NECTIN3: variants seen among roughly 807,000 people sequenced by gnomAD.
NECTIN3 encodes the protein nectin-3.
NECTIN3 carries 8 observed loss-of-function variants against 49.4 expected under a neutral mutation model. That is an observed-to-expected ratio of 0.16 (90% CI 0.10 to 0.29). The LOEUF (loss-of-function observed/expected upper bound fraction) is 0.29. Ranked by LOEUF, NECTIN3 falls within the 10% of genes least tolerant of loss-of-function variation. NECTIN3 has a pLI of 1.00. For missense variants in NECTIN3, 581 were observed against 654.6 expected, an observed-to-expected ratio of 0.89 and a Z score of 1.23; for synonymous variants, 277 against 241.1, an observed-to-expected ratio of 1.15 and a Z score of -1.38.
chr3:111,095,039 A>G (rs755905329), intron 1 of NECTIN3, among the ~76,000 whole-genome samples: 1 of 152,188 alleles, frequency 6.6e-6, no homozygotes, highest in African/African-American at 2.4e-5. Context: ...TTTTCTTACA[A>G]GGCTCTAAGA....
intron 7 of NECTIN3, among the ~76,000 whole-genome samples, chr3:111,186,834 C>T (rs1436308729): frequency 2.0e-5 from 3 of 151,990 alleles, no homozygotes; most frequent in Non-Finnish European, 4.4e-5. Flanking sequence ...AGTTGAAATA[C>T]GTATTACAGA....
chr3:111,179,738 C>CA (rs1488793467), intron 7 of NECTIN3, among the ~76,000 whole-genome samples: 1 of 151,898 alleles, frequency 6.6e-6, no homozygotes, highest in Non-Finnish European at 1.5e-5. Context: ...ACTAAAAATA[C>CA]AAAAAATTAG....
At chr3:111,165,756 G>A (rs763345562) in intron 7 of NECTIN3, among the ~76,000 whole-genome samples, 8 of 152,080 alleles carry the variant, frequency 5.3e-5, no homozygotes, top group Non-Finnish European at 7.3e-5. Context: ...TTGCACAATG[G>A]GAGGCTATAG....
upstream of NECTIN3, among the ~76,000 whole-genome samples, chr3:111,187,931 A>C (rs141620559): frequency 3.9e-5 from 6 of 152,202 alleles, no homozygotes; most frequent in Admixed American, 1.3e-4. Context: ...AATGTAAACT[A>C]TAAACTTTAG....
At chr3:111,124,776 A>G (rs1169695563) in intron 4 of NECTIN3, among the ~76,000 whole-genome samples, 1 of 152,036 alleles carries the variant, frequency 6.6e-6, no homozygotes, top group Non-Finnish European at 1.5e-5. Context: ...CCTTTTTATT[A>G]TTGTTTGTTC....
At chr3:111,110,196 T>C (rs144824811) in intron 1 of NECTIN3, among the ~76,000 whole-genome samples, 45 of 152,108 alleles carry the variant, frequency 3.0e-4, no homozygotes, top group African/African-American at 1.0e-3. Context: ...TTTTTCATAT[T>C]ACACTGGATT....
chr3:111,079,800 A>G (rs1191401125), intron 1 of NECTIN3, among the ~76,000 whole-genome samples: 2 of 152,012 alleles, frequency 1.3e-5, no homozygotes, highest in Admixed American at 1.3e-4. Flanking sequence ...GAAACATGCA[A>G]ATAATACAGT....
At chr3:111,145,035 A>C (rs887429447) in exon 6 of NECTIN3, 1 of 1,536,070 alleles carries the variant, frequency 6.5e-7, no homozygotes, top group Admixed American at 2.0e-5. Context: ...ATCTTGACAA[A>C]GTGTAGGTAA....
At chr3:111,185,885 G>A (rs2107535368) in intron 7 of NECTIN3, among the ~76,000 whole-genome samples, 1 of 152,178 alleles carries the variant, frequency 6.6e-6, no homozygotes, top group Non-Finnish European at 1.5e-5. Context: ...AAATAGAAGT[G>A]AACTAAAAAG....
chr3:111,110,051 A>G (rs2033387772), intron 1 of NECTIN3, among the ~76,000 whole-genome samples: 1 of 152,096 alleles, frequency 6.6e-6, no homozygotes, highest in African/African-American at 2.4e-5. Flanking sequence ...TATAGTTCAT[A>G]TACATTTTGC....
At chr3:111,173,818 C>T (rs1446333115) in intron 7 of NECTIN3, among the ~76,000 whole-genome samples, 1 of 151,490 alleles carries the variant, frequency 6.6e-6, no homozygotes, top group Non-Finnish European at 1.5e-5. Flanking sequence ...TTTTTTTGTA[C>T]ACCTGCAGCT....
chr3:111,115,317 T>C (rs2107456365), intron 2 of NECTIN3, among the ~76,000 whole-genome samples: 1 of 152,242 alleles, frequency 6.6e-6, no homozygotes, highest in Non-Finnish European at 1.5e-5. Flanking sequence ...AATTATAGAG[T>C]AGGACCACGT....
chr3:111,171,155 T>C (rs1039355399), intron 7 of NECTIN3, among the ~76,000 whole-genome samples: 4 of 152,212 alleles, frequency 2.6e-5, no homozygotes, highest in Admixed American at 6.5e-5. Flanking sequence ...AAGATGAGCA[T>C]ACTGAAGCTC....
At position 111,112,206 on chromosome 3, in the gene NECTIN3, G is replaced by T. The variant is rs574134938; in HGVS notation, c.337G>T (p.Val113Phe). The change falls in exon 2 of 6, where the codon GTT becomes TTT. Residue 113 changes from valine to phenylalanine, a missense_variant. Around this residue, in one of 3 missense-constraint regions of NECTIN3, gnomAD observed 234 missense variants for 340.6 expected, o/e 0.69. Transcript: ENST00000485303. ...AVHHPQYGFS[V>F]QGEYQGRVLF... The stretch of plus-strand genomic sequence containing the variant: ...TCACCATCCCCAATATGGATTCTCT[G>T]TTCAAGGAGAATATCAGGGAAGAGT... 1 of 1,613,868 alleles carries T rather than the reference G, an allele frequency of 6.2e-7. No homozygotes were observed. The highest frequency in any genetic ancestry group is 8.5e-7 in the Non-Finnish European group (1 of 1,179,886).
chr3:111,134,913 TTTTTGTCCAAAATACCTGC>T lies in NECTIN3; in HGVS notation c.*699_*717del. ...GAAGAGCATAATTAGCTGGTCAATA[TTTTTGTCCAAAATACCTGC>T]AAGAGTAATAAAATACATACCTTTC... On this transcript the variant is annotated 3_prime_UTR_variant, in exon 6 of 6. Transcript: ENST00000485303. 1.0e-6 allele frequency: 1 copy of T among 983,768 alleles called. No individual in the cohort carries two copies. The highest frequency in any genetic ancestry group is 4.7e-5 in the South Asian group (1 of 21,266). The allele number at this position is 983,768 out of a possible 1,614,324, so 60.9% of individuals were successfully genotyped here. A position where few individuals can be genotyped will look rare whatever the true frequency, so the allele number is the denominator to read the frequency against.
At chr3:111,081,805 G>C (rs2031623205) in intron 1 of NECTIN3, among the ~76,000 whole-genome samples, 1 of 152,132 alleles carries the variant, frequency 6.6e-6, no homozygotes, top group Non-Finnish European at 1.5e-5. Flanking sequence ...AGGAATTAGT[G>C]TTCTCATGTG....
At chr3:111,154,980 A>G (rs1229379074) in intron 7 of NECTIN3, among the ~76,000 whole-genome samples, 1 of 152,100 alleles carries the variant, frequency 6.6e-6, no homozygotes, top group Non-Finnish European at 1.5e-5. Context: ...CTCTGTTGCC[A>G]GACTGGAGTG....
At chr3:111,102,246 C>T (rs1206292250) in intron 1 of NECTIN3, among the ~76,000 whole-genome samples, 4 of 152,102 alleles carry the variant, frequency 2.6e-5, no homozygotes, top group Non-Finnish European at 5.9e-5. Flanking sequence ...ATTTTATAAA[C>T]GTTAAGACTG....
At chr3:111,091,513 A>G (rs2032271295) in intron 1 of NECTIN3, among the ~76,000 whole-genome samples, 1 of 152,040 alleles carries the variant, frequency 6.6e-6, no homozygotes, top group Non-Finnish European at 1.5e-5. Flanking sequence ...CGGCCTCCAG[A>G]GTGTTGGGAT....
Sources: allele counts gnomAD v4.1 joint callset (sites outside exome capture counted in the v4.1 genomes callset), GRCh38; gene constraint gnomAD v4.1.1; regional missense constraint gnomAD v4.1.1; transcripts MANE v1.5; gene names NCBI Gene and HGNC (gene_info 2026-07-23, HGNC 2026-07-21).